PPP2R2D: variants seen among roughly 807,000 people sequenced by gnomAD.
The protein encoded by PPP2R2D is protein phosphatase 2 regulatory subunit Bdelta.
In PPP2R2D, 9 loss-of-function variants were observed where a neutral mutation model predicts 31.1. The ratio of observed to expected loss-of-function variants is 0.29; its 90% CI spans 0.17 to 0.51. The LOEUF is 0.51. Among genes scored for constraint, PPP2R2D ranks in the 20% least tolerant of loss-of-function variants. The probability of loss-of-function intolerance (pLI) is 0.98; values close to 1 mark genes in which losing one functional copy is unlikely to be tolerated. For synonymous variants in PPP2R2D, 179 were observed against 172.6 expected (o/e 1.04, Z -0.29); for missense variants, 391 against 465.6 (o/e 0.84, Z 1.48).
At chr10:131,914,227 C>T (rs377585532) in intron 2 of PPP2R2D, among the ~76,000 whole-genome samples, 32 of 152,234 alleles carry the variant, frequency 2.1e-4, no homozygotes, top group Admixed American at 8.5e-4. Context: ...ATATGACCGG[C>T]CTCACACCTG....
At position 131,956,234 on chromosome 10, in the gene PPP2R2D, T is replaced by C; in HGVS notation, c.*271T>C. On this transcript the variant is annotated 3_prime_UTR_variant, in exon 9 of 9. Transcript: ENST00000455566. ...AAGGTCATTACTCAGAATAAATGTA[T>C]TTATTTCAGTCCGAGCCTTCCTTTC... 3 of 1,150,406 alleles carry C rather than the reference T, an allele frequency of 2.6e-6. No individual in the cohort carries two copies. Among genetic ancestry groups the C allele is most frequent in the Non-Finnish European group, 3.2e-6 (3 of 936,694 alleles). The allele number at this position is 1,150,406 out of a possible 1,614,324, so 71.3% of individuals were successfully genotyped here.
intron 2 of PPP2R2D, among the ~76,000 whole-genome samples, chr10:131,914,349 C>T (rs2035735976): frequency 6.6e-6 from 1 of 152,122 alleles, no homozygotes; most frequent in East Asian, 1.9e-4. Context: ...ACAGAGTGGA[C>T]CCTGTCTCAA....
At chr10:131,919,068 C>CGT in intron 2 of PPP2R2D, among the ~76,000 whole-genome samples, 1 of 117,792 alleles carries the variant, frequency 8.5e-6, no homozygotes, top group East Asian at 3.2e-4. Flanking sequence ...GGACCTCAGG[C>CGT]GGGTGGAGTG....
Position 131,907,719 on chromosome 10 carries a change from G to C in PPP2R2D, c.100+6389G>C, listed in dbSNP as rs1022839478. On this transcript the variant is annotated intron_variant, in intron 2 of 8. Transcript: ENST00000455566. The stretch of plus-strand genomic sequence containing the variant: ...GATCACGCCACTGCACCTCCAGCCT[G>C]GGCAGCAGAGCGAGACTCCATATCA... 4.0e-5 allele frequency among the ~76,000 whole-genome samples: 6 copies of C among 151,370 alleles called. 1 individual carries two copies. In the South Asian group the frequency reaches 1.3e-3, roughly 32 times the overall value.
intron 2 of PPP2R2D, among the ~76,000 whole-genome samples, chr10:131,917,774 G>C (rs1554893455): frequency 1.6e-5 from 2 of 121,688 alleles, no homozygotes; most frequent in Non-Finnish European, 3.4e-5. Context: ...CGGGTGGAAT[G>C]ACACAGTGTA....
chr10:131,956,148 A>G lies in PPP2R2D; in HGVS notation c.*185A>G, dbSNP rs2036792724. On this transcript the variant is annotated 3_prime_UTR_variant, in exon 9 of 9. Coordinates refer to ENST00000455566, the MANE Select transcript of PPP2R2D (RefSeq NM_018461.5). ...TGGTTCCGCCTCGGCGAGGCGCGAG[A>G]CAGGCGCTGCTGCTCACGTGGAGAC... 8.0e-7 allele frequency: 1 copy of G among 1,245,532 alleles called. No homozygotes were observed. Among genetic ancestry groups the G allele is most frequent in the Non-Finnish European group, 1.0e-6 (1 of 996,478 alleles). The allele number at this position is 1,245,532 out of a possible 1,614,324, so 77.2% of individuals were successfully genotyped here. A position where few individuals can be genotyped will look rare whatever the true frequency, so the allele number is the denominator to read the frequency against.
downstream of PPP2R2D, among the ~76,000 whole-genome samples, chr10:131,962,113 T>C (rs1198146052): frequency 2.6e-5 from 4 of 152,208 alleles, no homozygotes; most frequent in Non-Finnish European, 5.9e-5. Flanking sequence ...CAGAACCTTT[T>C]TAGTGTATTT....
At chr10:131,943,943 A>C (rs1554897540) in intron 5 of PPP2R2D, 25 bp from the exon 6 acceptor site, 1 of 792,598 alleles carries the variant, frequency 1.3e-6, no homozygotes, top group Non-Finnish European at 2.3e-6. Context: ...CTTTGTTTTG[A>C]ATTCCTATTT....
Position 131,920,052 on chromosome 10 carries a change from C to T in PPP2R2D, c.101-14406C>T, listed in dbSNP as rs184581195. Among the ~76,000 whole-genome samples, 455 of 148,572 alleles carry T rather than the reference C, an allele frequency of 3.1e-3. 3 individuals carry two copies. Among genetic ancestry groups the T allele is most frequent in the Middle Eastern group, 4.0e-3 (1 of 252 alleles). ...GATGACACAGTGTAGGGACCTCAGG[C>T]GGGTGGAATGACACAGTGTTTGTAG... On this transcript the variant is annotated intron_variant, in intron 2 of 8. Coordinates refer to ENST00000455566, the MANE Select transcript of PPP2R2D (RefSeq NM_018461.5).
chr10:131,926,730 G>A (rs1564815935), intron 2 of PPP2R2D, among the ~76,000 whole-genome samples: 1 of 152,220 alleles, frequency 6.6e-6, no homozygotes, highest in African/African-American at 2.4e-5. Flanking sequence ...GGCTGGATGT[G>A]TTTTTTGACT....
At chr10:131,906,656 C>G (rs2035589767) in intron 2 of PPP2R2D, among the ~76,000 whole-genome samples, 1 of 151,342 alleles carries the variant, frequency 6.6e-6, no homozygotes, top group African/African-American at 2.4e-5. Context: ...CTCGGTGGCT[C>G]ACGCCTGTAG....
chr10:131,915,305 G>C (rs2035758441), intron 2 of PPP2R2D, among the ~76,000 whole-genome samples: 1 of 152,090 alleles, frequency 6.6e-6, no homozygotes, highest in Admixed American at 6.6e-5. Flanking sequence ...GGCATTGAAG[G>C]CTGCGTCTCA....
At chr10:131,905,120 G>A (rs1312418453) in intron 2 of PPP2R2D, among the ~76,000 whole-genome samples, 2 of 152,110 alleles carry the variant, frequency 1.3e-5, no homozygotes, top group Non-Finnish European at 2.9e-5. Context: ...AAGTTATTAA[G>A]TGTCCTGCTG....
At chr10:131,927,225 T>C (rs2036123895) in intron 2 of PPP2R2D, among the ~76,000 whole-genome samples, 1 of 151,548 alleles carries the variant, frequency 6.6e-6, no homozygotes, top group African/African-American at 2.4e-5. Context: ...AGACAGTCAT[T>C]TTGAGGAGGG....
At chr10:131,938,452 C>G (rs922010906) in intron 3 of PPP2R2D, among the ~76,000 whole-genome samples, 3 of 152,196 alleles carry the variant, frequency 2.0e-5, no homozygotes, top group Non-Finnish European at 4.4e-5. Flanking sequence ...AAACCCACCA[C>G]CCAGAGGTTA....
chr10:131,930,097 TC>T (rs2036191961), intron 2 of PPP2R2D, among the ~76,000 whole-genome samples: 1 of 152,252 alleles, frequency 6.6e-6, no homozygotes, highest in Admixed American at 6.5e-5. Flanking sequence ...TACATAGTAT[TC>T]CGTTAACAGG....
the PPP2R2D span, chr10:131,971,104 T>C: frequency 2.5e-6 from 2 of 813,784 alleles, no homozygotes; most frequent in Non-Finnish European, 2.0e-6. Context: ...CCTCGGACCG[T>C]GGTCCAAGGG....
chr10:131,926,067 G>A (rs544686894), intron 2 of PPP2R2D, among the ~76,000 whole-genome samples: 12 of 152,290 alleles, frequency 7.9e-5, no homozygotes, highest in Admixed American at 5.9e-4. Context: ...TGACCTGGGC[G>A]GGGCAGAGAT....
intron 2 of PPP2R2D, among the ~76,000 whole-genome samples, chr10:131,916,156 C>T (rs1231820830): frequency 6.6e-6 from 1 of 152,186 alleles, no homozygotes; most frequent in Non-Finnish European, 1.5e-5. Flanking sequence ...TGGCCACGCG[C>T]CCTGATAACC....
Sources: allele counts gnomAD v4.1 joint callset (sites outside exome capture counted in the v4.1 genomes callset), GRCh38; gene constraint gnomAD v4.1.1; transcripts MANE v1.5; gene names NCBI Gene and HGNC (gene_info 2026-07-23, HGNC 2026-07-21).